Variants in CCDC192 observed in about 807,000 individuals in gnomAD.
CCDC192 encodes coiled-coil domain containing 192.
At chr5:127,892,043 T>C (rs1455256452) in intron 6 of CCDC192, among the ~76,000 whole-genome samples, 1 of 152,178 alleles carries the variant, frequency 6.6e-6, no homozygotes, top group East Asian at 1.9e-4. Context: ...CAGAGTACTA[T>C]TGGGTTTTTA....
chr5:127,863,718 A>G (rs1193050027), intron 5 of CCDC192, among the ~76,000 whole-genome samples: 3 of 152,226 alleles, frequency 2.0e-5, no homozygotes, highest in Admixed American at 1.3e-4. Context: ...GCACTTTAAA[A>G]TCACAATTAA....
intron 2 of CCDC192, among the ~76,000 whole-genome samples, chr5:127,733,238 C>T (rs1053747743): frequency 1.3e-5 from 2 of 152,124 alleles, no homozygotes; most frequent in African/African-American, 4.8e-5. Context: ...AATCAACTCC[C>T]AGACTCTCTC....
intron 6 of CCDC192, among the ~76,000 whole-genome samples, chr5:127,883,949 C>G (rs1041328111): frequency 2.0e-5 from 3 of 152,138 alleles, no homozygotes; most frequent in African/African-American, 7.2e-5. Flanking sequence ...CCCTCCTTGC[C>G]TATTGACCCC....
intron 2 of CCDC192, among the ~76,000 whole-genome samples, chr5:127,723,411 T>C (rs1230095973): frequency 1.3e-5 from 2 of 152,166 alleles, no homozygotes; most frequent in African/African-American, 4.8e-5. Flanking sequence ...CAAACAAGGA[T>C]AATTTGACTT....
At chr5:127,727,534 CA>C (rs1752401417) in intron 2 of CCDC192, among the ~76,000 whole-genome samples, 1 of 151,726 alleles carries the variant, frequency 6.6e-6, no homozygotes, top group Non-Finnish European at 1.5e-5. Flanking sequence ...ACAGCGTCAA[CA>C]AAAAGTCCCC....
intron 2 of CCDC192, among the ~76,000 whole-genome samples, chr5:127,711,158 A>T (rs947803441): frequency 1.3e-5 from 2 of 152,236 alleles, no homozygotes; most frequent in African/African-American, 2.4e-5. Context: ...TGTAAAACAT[A>T]TAATGTCATT....
At position 127,754,490 on chromosome 5, in the gene CCDC192, CACAT is replaced by C. The variant is rs981356373; in HGVS notation, c.222+119_222+122del. The stretch of plus-strand genomic sequence containing the variant: ...CTACTGATACACACACACACACACA[CACAT>C]ACACACACACACACACACATTGCAG... On this transcript the variant is annotated intron_variant, in intron 3 of 6. Transcript: ENST00000514853. 4.3e-5 allele frequency: 15 copies of C among 347,276 alleles called. No homozygotes were observed. The South Asian group carries it at 5.1e-4, about 12-fold the overall frequency. The allele number at this position is 347,276 out of a possible 1,614,324, so 21.5% of individuals were successfully genotyped here.
At chr5:127,889,982 T>C (rs1752686676) in intron 6 of CCDC192, among the ~76,000 whole-genome samples, 1 of 152,190 alleles carries the variant, frequency 6.6e-6, no homozygotes, top group African/African-American at 2.4e-5. Flanking sequence ...TGCTTCCATC[T>C]GTTTTAGGTA....
chr5:127,747,256 C>T (rs184360516), intron 2 of CCDC192, among the ~76,000 whole-genome samples: 25 of 152,114 alleles, frequency 1.6e-4, no homozygotes, highest in African/African-American at 5.3e-4. Flanking sequence ...TCCCTCCCCC[C>T]TCTCCCCACC....
chr5:127,756,359 T>TTCAGGGA (rs1754592579), intron 3 of CCDC192, among the ~76,000 whole-genome samples: 1 of 152,048 alleles, frequency 6.6e-6, no homozygotes, highest in Non-Finnish European at 1.5e-5. Flanking sequence ...TCCCTAAGCA[T>TTCAGGGA]TCAGGGATCA....
At chr5:127,932,247 C>T (rs1224423592) in intron 6 of CCDC192, among the ~76,000 whole-genome samples, 2 of 151,868 alleles carry the variant, frequency 1.3e-5, no homozygotes, top group Non-Finnish European at 2.9e-5. Flanking sequence ...TCTTGTTGCA[C>T]AGGCTGGAGT....
chr5:127,869,607 C>T (rs1375155437), intron 5 of CCDC192, among the ~76,000 whole-genome samples: 1 of 152,164 alleles, frequency 6.6e-6, no homozygotes, highest in Non-Finnish European at 1.5e-5. Context: ...CTTAAATAAA[C>T]ACTTATACAG....
intron 5 of CCDC192, among the ~76,000 whole-genome samples, chr5:127,859,659 C>G (rs992862504): frequency 2.0e-5 from 3 of 152,082 alleles, no homozygotes; most frequent in Non-Finnish European, 4.4e-5. Flanking sequence ...AGCTGCTCTC[C>G]CATTCTCTCT....
At chr5:127,775,234 C>A (rs986925262) in intron 3 of CCDC192, among the ~76,000 whole-genome samples, 3 of 152,160 alleles carry the variant, frequency 2.0e-5, no homozygotes, top group Non-Finnish European at 4.4e-5. Flanking sequence ...AAAGCCCACA[C>A]CCCCATTACC....
chr5:127,795,066 G>C (rs1284519343), intron 3 of CCDC192, among the ~76,000 whole-genome samples: 2 of 152,044 alleles, frequency 1.3e-5, no homozygotes, highest in South Asian at 2.1e-4. Context: ...GCCGAGGCGG[G>C]CGGATCACTT....
chr5:127,785,239 G>A lies in CCDC192; in HGVS notation c.223-11864G>A, dbSNP rs537262654. 33 of 513,704 alleles carry A rather than the reference G, an allele frequency of 6.4e-5. 1 individual carries two copies. Among genetic ancestry groups the A allele is most frequent in the South Asian group, 4.8e-4 (33 of 68,138 alleles). The allele number at this position is 513,704 out of a possible 1,614,324, so 31.8% of individuals were successfully genotyped here. On this transcript the variant is annotated intron_variant, in intron 3 of 6. Transcript: ENST00000514853. ...GCCACTGTGACAGCTGGCATAGAAA[G>A]CTGTGAATTGCCGATAACTACATTC... is the stretch of plus-strand genomic sequence containing the variant.
At chr5:127,773,600 TA>T (rs1755685388) in intron 3 of CCDC192, among the ~76,000 whole-genome samples, 1 of 152,352 alleles carries the variant, frequency 6.6e-6, no homozygotes, top group Non-Finnish European at 1.5e-5. Context: ...CTACAGCAAG[TA>T]TAAGTACTTT....
intron 5 of CCDC192, among the ~76,000 whole-genome samples, chr5:127,816,186 A>C (rs151063472): frequency 4.4e-4 from 67 of 152,330 alleles, no homozygotes; most frequent in African/African-American, 1.6e-3. Flanking sequence ...AGAAATCAAC[A>C]TACTGTTGTG....
chr5:127,857,535 C>T (rs1751152036), intron 5 of CCDC192: 1 of 152,084 alleles, frequency 6.6e-6, no homozygotes, highest in South Asian at 2.1e-4. Flanking sequence ...GAGAGAAACA[C>T]AACCAATAGG....
Sources: gnomAD v4.1 joint callset for allele counts (sites outside exome capture counted in the v4.1 genomes callset) on GRCh38, gnomAD v4.1.1 for gene constraint, MANE v1.5 for transcripts, NCBI Gene and HGNC (gene_info 2026-07-23, HGNC 2026-07-21) for gene names.